Variants in RBFOX1 observed in about 807,000 individuals in gnomAD.
RBFOX1 encodes the protein RNA binding fox-1 homolog 1.
Under a neutral mutation model 57.7 loss-of-function variants are expected in RBFOX1, and 8 were observed. The ratio of observed to expected loss-of-function variants is 0.14; its 90% CI spans 0.08 to 0.25. The LOEUF is 0.25. RBFOX1 is among the 10% of genes least tolerant of loss of function. RBFOX1 has a pLI of 1.00. For missense variants in RBFOX1, 611 were observed against 548.5 expected, an observed-to-expected ratio of 1.11 and a Z score of -1.14; for synonymous variants, 326 against 222.4, an observed-to-expected ratio of 1.47 and a Z score of -4.15.
intron 3 of RBFOX1, among the ~76,000 whole-genome samples, chr16:6,787,210 T>G (rs949040927): frequency 6.6e-6 from 1 of 152,060 alleles, no homozygotes; most frequent in Non-Finnish European, 1.5e-5. Context: ...TGGACAGAAA[T>G]AAGCTGGATA....
At chr16:7,177,455 A>G (rs930219706) in intron 4 of RBFOX1, among the ~76,000 whole-genome samples, 2 of 151,910 alleles carry the variant, frequency 1.3e-5, no homozygotes, top group East Asian at 1.9e-4. Flanking sequence ...TACCACAAGC[A>G]CACTGTAAAT....
chr16:7,393,309 TGGG>T (rs1236614451), intron 4 of RBFOX1, among the ~76,000 whole-genome samples: 1 of 152,210 alleles, frequency 6.6e-6, no homozygotes, highest in African/African-American at 2.4e-5. Context: ...TCTGGGAAGA[TGGG>T]GTACTTGATT....
intron 3 of RBFOX1, among the ~76,000 whole-genome samples, chr16:6,973,949 C>T (rs1032016937): frequency 1.3e-5 from 2 of 152,026 alleles, no homozygotes; most frequent in Admixed American, 6.6e-5. Context: ...CCCAGCAGAC[C>T]CCAGTGTGTG....
At chr16:7,303,203 A>G (rs183779298) in intron 4 of RBFOX1, among the ~76,000 whole-genome samples, 1 of 152,194 alleles carries the variant, frequency 6.6e-6, no homozygotes, top group Admixed American at 6.5e-5. Flanking sequence ...TGCCTGCCCA[A>G]CCAAGGCGAG....
At chr16:5,590,451 G>A (rs929281977) in intron 2 of RBFOX1, among the ~76,000 whole-genome samples, 3 of 152,192 alleles carry the variant, frequency 2.0e-5, no homozygotes, top group Admixed American at 1.3e-4. Context: ...AAGTTAACTG[G>A]CATTTCCTAC....
At chr16:7,693,428 T>TTG in intron 14 of RBFOX1, 2 of 1,350,552 alleles carry the variant, frequency 1.5e-6, no homozygotes, top group Non-Finnish European at 2.1e-6. Context: ...TTTTTTTTTT[T>TTG]TTTTTTCTTC....
chr16:7,505,202 T>C (rs2151929454), intron 4 of RBFOX1, among the ~76,000 whole-genome samples: 1 of 146,794 alleles, frequency 6.8e-6, no homozygotes, highest in East Asian at 2.0e-4. Flanking sequence ...TGTGTGCACC[T>C]CAGACACTCT....
At chr16:6,160,125 G>T (rs916245648) in intron 1 of RBFOX1, among the ~76,000 whole-genome samples, 10 of 152,016 alleles carry the variant, frequency 6.6e-5, no homozygotes, top group African/African-American at 1.9e-4. Flanking sequence ...AAATCTACAG[G>T]GTTTATAAGG....
At chr16:6,380,704 C>G (rs1383038637) in intron 2 of RBFOX1, among the ~76,000 whole-genome samples, 1 of 150,214 alleles carries the variant, frequency 6.7e-6, no homozygotes, top group Non-Finnish European at 1.5e-5. Flanking sequence ...GCATACAAAA[C>G]CATTTCTGTA....
intron 3 of RBFOX1, among the ~76,000 whole-genome samples, chr16:6,775,331 A>AAG (rs1344490006): frequency 2.4e-4 from 28 of 116,430 alleles, no homozygotes; most frequent in African/African-American, 1.3e-3. Flanking sequence ...CTCTGTCTCA[A>AAG]AAAAAAAAAA....
At chr16:6,814,612 G>A (rs1207785396) in intron 3 of RBFOX1, among the ~76,000 whole-genome samples, 2 of 152,158 alleles carry the variant, frequency 1.3e-5, no homozygotes, top group African/African-American at 4.8e-5. Context: ...GTAAATGGCA[G>A]TTAAGGACAG....
At chr16:7,070,196 C>T (rs75696863) in intron 4 of RBFOX1, among the ~76,000 whole-genome samples, 1,546 of 152,250 alleles carry the variant, frequency 0.01, 30 homozygotes, top group African/African-American at 0.035. Context: ...GATCAGAGCA[C>T]GAGGTTTTGA....
intron 10 of RBFOX1, among the ~76,000 whole-genome samples, chr16:7,625,500 C>A (rs952360698): frequency 6.6e-6 from 1 of 152,032 alleles, no homozygotes; most frequent in Non-Finnish European, 1.5e-5. Context: ...GCATGGGGGC[C>A]CCAGAATACT....
intron 5 of RBFOX1, 104 bp from the exon 6 acceptor site, chr16:7,579,673 G>C (rs1263194005): frequency 7.1e-7 from 1 of 1,406,444 alleles, no homozygotes; most frequent in Non-Finnish European, 9.9e-7. Context: ...TTCTCAGATT[G>C]CTTAGTTCTG....
intron 3 of RBFOX1, among the ~76,000 whole-genome samples, chr16:5,624,969 C>A (rs992554070): frequency 2.0e-5 from 3 of 152,164 alleles, no homozygotes; most frequent in Admixed American, 1.3e-4. Context: ...GGATTTGGGG[C>A]CGTGTGATTG....
chr16:6,100,184 A>G (rs565217057), intron 1 of RBFOX1, among the ~76,000 whole-genome samples: 1 of 151,822 alleles, frequency 6.6e-6, no homozygotes, highest in South Asian at 2.1e-4. Flanking sequence ...GTTTTTTGAG[A>G]CGGAGTCTTG....
chr16:7,520,859 C>A (rs1449540504), intron 5 of RBFOX1, among the ~76,000 whole-genome samples: 3 of 152,180 alleles, frequency 2.0e-5, no homozygotes, highest in East Asian at 3.9e-4. Context: ...ATTAAGCTAA[C>A]TGCTGTGGAA....
intron 4 of RBFOX1, among the ~76,000 whole-genome samples, chr16:7,118,838 G>C (rs1263553020): frequency 6.6e-6 from 1 of 152,258 alleles, no homozygotes; most frequent in East Asian, 1.9e-4. Context: ...CACCGAAAGA[G>C]AGAATGGAAG....
chr16:6,256,440 A>G (rs941244935), intron 1 of RBFOX1, among the ~76,000 whole-genome samples: 1 of 151,204 alleles, frequency 6.6e-6, no homozygotes, highest in African/African-American at 2.4e-5. Context: ...TCGAGAGCAG[A>G]GTTCATCCTT....
Sources: allele counts gnomAD v4.1 joint callset (sites outside exome capture counted in the v4.1 genomes callset), GRCh38; gene constraint gnomAD v4.1.1; transcripts MANE v1.5; gene names NCBI Gene and HGNC (gene_info 2026-07-23, HGNC 2026-07-21).